The following CHST15 variants were observed in gnomAD, a reference collection of about 807,000 sequenced individuals.
CHST15 encodes carbohydrate sulfotransferase 15, also known as B cell RAG associated protein (GALNAC4S-6ST).
Under a neutral mutation model 53.6 loss-of-function variants are expected in CHST15, and 30 were observed. That is an observed-to-expected ratio of 0.56 (90% CI 0.42 to 0.76). The LOEUF (loss-of-function observed/expected upper bound fraction) is 0.76. Ranked by LOEUF, CHST15 falls within the 30% of genes least tolerant of loss-of-function variation. CHST15 has a pLI of 0.00. For synonymous variants in CHST15, 296 were observed against 289.8 expected (o/e 1.02, Z -0.22); for missense variants, 627 against 740.5 (o/e 0.85, Z 1.78).
chr10:124,034,082 C>A (rs926454422), intron 5 of CHST15, among the ~76,000 whole-genome samples: 1 of 152,222 alleles, frequency 6.6e-6, no homozygotes, highest in Non-Finnish European at 1.5e-5. Flanking sequence ...TCTGATAAAG[C>A]ACCAGCTACC....
chr10:124,084,102 G>A (rs1243255217), intron 1 of CHST15, among the ~76,000 whole-genome samples: 2 of 152,230 alleles, frequency 1.3e-5, no homozygotes, highest in Admixed American at 6.5e-5. Context: ...AAAGACGGAA[G>A]GGTCTCTGCT....
Position 124,044,817 on chromosome 10 carries a change from A to C in CHST15, c.649T>G (p.Ser217Ala), listed in dbSNP as rs986607169. Residue 217 changes from serine to alanine, a missense_variant, in exon 3 of 8, where the codon TCC becomes GCC. By Grantham distance (99) the Ser-to-Ala change is moderately conservative. Around this residue, in one of 3 missense-constraint regions of CHST15, gnomAD observed 161 missense variants for 117.2 expected, o/e 1.37. Coordinates refer to ENST00000435907, the MANE Select transcript of CHST15 (RefSeq NM_001270764.2). ...QNTTDPYLTNSYVLYSKRFRS... is the reference protein window; with the variant it reads ...QNTTDPYLTNAYVLYSKRFRS... ...AAGCGCTTGGAGTAGAGCACGTAGG[A>C]GTTGGTGAGGTAGGGGTCGGTGGTG... is the stretch of plus-strand genomic sequence containing the variant. 3 of 1,588,092 alleles carry C rather than the reference A, an allele frequency of 1.9e-6. No individual in the cohort carries two copies. The highest frequency in any genetic ancestry group is 2.6e-6 in the Non-Finnish European group (3 of 1,164,688).
At position 124,038,113 on chromosome 10, in the gene CHST15, A is replaced by ATT. The variant is rs35814318; in HGVS notation, c.1190+400_1190+401dup. On this transcript the variant is annotated intron_variant, in intron 5 of 7. Transcript: ENST00000435907. ...TTTTTGTTTGTTTTTATTTTATTTT[A>ATT]TTTTTTTTTTTGAGATGGAGTCTCA... is the stretch of plus-strand genomic sequence containing the variant. 1.8e-3 allele frequency among the ~76,000 whole-genome samples: 211 copies of ATT among 117,842 alleles called. 4 individuals are homozygous for ATT. The highest frequency in any genetic ancestry group is 5.9e-3 in the African/African-American group (202 of 34,234). 77.3% of individuals were successfully genotyped at this position (117,842 alleles called of 152,430 possible). A position where few individuals can be genotyped will look rare whatever the true frequency, so the allele number is the denominator to read the frequency against.
chr10:124,016,715 T>C (rs1186451393), intron 6 of CHST15, among the ~76,000 whole-genome samples: 3 of 152,142 alleles, frequency 2.0e-5, no homozygotes, highest in Admixed American at 2.0e-4. Flanking sequence ...TCTGTGAGCC[T>C]CAGTCTTCCC....
chr10:124,088,946 T>A (rs1949523471), intron 1 of CHST15, among the ~76,000 whole-genome samples: 1 of 152,210 alleles, frequency 6.6e-6, no homozygotes. Context: ...GGTCTACACA[T>A]AAATCATTTT....
intron 1 of CHST15, among the ~76,000 whole-genome samples, chr10:124,077,671 T>C (rs184031193): frequency 2.6e-4 from 40 of 152,360 alleles, no homozygotes; most frequent in African/African-American, 8.9e-4. Flanking sequence ...ACAAGCTTAA[T>C]TTTAACCTTC....
chr10:124,079,361 G>A (rs1949170459), intron 1 of CHST15, among the ~76,000 whole-genome samples: 1 of 152,232 alleles, frequency 6.6e-6, no homozygotes, highest in African/African-American at 2.4e-5. Context: ...AATCCGTTGA[G>A]GCCCTACTGT....
intron 1 of CHST15, among the ~76,000 whole-genome samples, chr10:124,065,879 C>T (rs976618865): frequency 6.6e-6 from 1 of 152,010 alleles, no homozygotes; most frequent in Non-Finnish European, 1.5e-5. Flanking sequence ...CAGCACATGC[C>T]GCAAAATCCC....
At chr10:124,082,630 C>T (rs572606420) in intron 1 of CHST15, among the ~76,000 whole-genome samples, 2 of 152,186 alleles carry the variant, frequency 1.3e-5, no homozygotes, top group East Asian at 1.9e-4. Context: ...CGTTTATGGC[C>T]GCCTCATTCA....
intron 1 of CHST15, among the ~76,000 whole-genome samples, chr10:124,064,550 C>A (rs1231312598): frequency 6.6e-6 from 1 of 152,134 alleles, no homozygotes; most frequent in African/African-American, 2.4e-5. Context: ...AACAACCATA[C>A]CCACTCTGTG....
At chr10:124,048,148 A>G (rs1367805207) in intron 1 of CHST15, among the ~76,000 whole-genome samples, 1 of 152,210 alleles carries the variant, frequency 6.6e-6, no homozygotes, top group Admixed American at 6.5e-5. Flanking sequence ...CTCCCACAAA[A>G]TGTTCTGCTT....
intron 5 of CHST15, among the ~76,000 whole-genome samples, chr10:124,033,509 G>A (rs1013756268): frequency 6.6e-6 from 1 of 152,166 alleles, no homozygotes; most frequent in Non-Finnish European, 1.5e-5. Context: ...CACTGAGTGT[G>A]GCTAGACCTC....
intron 1 of CHST15, among the ~76,000 whole-genome samples, chr10:124,055,941 G>A (rs1292473664): frequency 6.6e-6 from 1 of 152,170 alleles, no homozygotes; most frequent in African/African-American, 2.4e-5. Context: ...CTCAGACCCA[G>A]GGCAAAACCC....
intron 6 of CHST15, among the ~76,000 whole-genome samples, chr10:124,018,913 C>T (rs1013878758): frequency 1.3e-5 from 2 of 152,100 alleles, no homozygotes; most frequent in East Asian, 1.9e-4. Context: ...GAAAAGGACT[C>T]GTGGGTGGAT....
chr10:124,083,158 T>C (rs1014177782), intron 1 of CHST15, among the ~76,000 whole-genome samples: 11 of 152,320 alleles, frequency 7.2e-5, no homozygotes, highest in Admixed American at 7.2e-4. Flanking sequence ...TTTATGATTT[T>C]TTTTAATAAA....
At position 124,030,866 on chromosome 10, in the gene CHST15, G is replaced by A. The variant is rs183038388; in HGVS notation, c.1190+7649C>T. On this transcript the variant is annotated intron_variant, in intron 5 of 7. Transcript: ENST00000435907. Reference sequence around the variant, plus strand: ...CGCTGCGGTTCGAAGGCATGAATCCGGCTCAGCTCCCTTCTGTGTGTGCTG... The same window carrying A: ...CGCTGCGGTTCGAAGGCATGAATCCAGCTCAGCTCCCTTCTGTGTGTGCTG... Among the ~76,000 whole-genome samples, 837 of 152,346 alleles carry A rather than the reference G, an allele frequency of 5.5e-3. 13 individuals are homozygous for A. Among genetic ancestry groups the A allele is most frequent in the African/African-American group, 0.019 (786 of 41,580 alleles).
chr10:124,020,551 A>C (rs1399908644), intron 6 of CHST15: 6 of 985,548 alleles, frequency 6.1e-6, no homozygotes, highest in Non-Finnish European at 7.2e-6. Flanking sequence ...AAGACTCCAC[A>C]GCAGGCCTGT....
chr10:124,079,986 G>A (rs978248898), intron 1 of CHST15, among the ~76,000 whole-genome samples: 2 of 152,090 alleles, frequency 1.3e-5, no homozygotes, highest in African/African-American at 2.4e-5. Flanking sequence ...ACCCCAAGAC[G>A]TACCCCCTCA....
intron 1 of CHST15, among the ~76,000 whole-genome samples, chr10:124,057,061 G>T (rs1948409578): frequency 6.6e-6 from 1 of 152,220 alleles, no homozygotes; most frequent in Non-Finnish European, 1.5e-5. Context: ...GAGCAGCAAA[G>T]GAGGGACCTT....
Sources: gnomAD v4.1 joint callset for allele counts (sites outside exome capture counted in the v4.1 genomes callset) on GRCh38, gnomAD v4.1.1 for gene constraint, gnomAD v4.1.1 regional missense constraint, MANE v1.5 for transcripts, NCBI Gene and HGNC (gene_info 2026-07-23, HGNC 2026-07-21) for gene names.